Variants in PCSK5 observed in about 807,000 individuals in gnomAD.
PCSK5 encodes the protein proprotein convertase subtilisin/kexin type 5.
A neutral mutation model predicts 233.2 loss-of-function variants in PCSK5; 129 were observed. The ratio of observed to expected loss-of-function variants is 0.55; its 90% CI spans 0.48 to 0.64. PCSK5 has a LOEUF of 0.64. Ranked by LOEUF, PCSK5 falls within the 30% of genes least tolerant of loss-of-function variation. The probability of loss-of-function intolerance (pLI) is 0.00; values close to 1 mark genes in which losing one functional copy is unlikely to be tolerated. For missense variants in PCSK5, 2,076 were observed against 2,430.1 expected (o/e 0.85, Z 3.06); for synonymous variants, 825 against 879.2 (o/e 0.94, Z 1.09).
chr9:75,971,576 G>A (rs902673624), intron 2 of PCSK5, among the ~76,000 whole-genome samples: 3 of 152,022 alleles, frequency 2.0e-5, no homozygotes, highest in African/African-American at 4.8e-5. Context: ...CCTGTTTCTC[G>A]ACAGTCTCAC....
At chr9:76,298,787 CAG>C (rs1173361965) in intron 27 of PCSK5, among the ~76,000 whole-genome samples, 1 of 152,186 alleles carries the variant, frequency 6.6e-6, no homozygotes, top group Non-Finnish European at 1.5e-5. Flanking sequence ...AGGCAAATTA[CAG>C]AGTGTTTTTG....
intron 20 of PCSK5, among the ~76,000 whole-genome samples, chr9:76,210,991 G>C (rs973771789): frequency 6.6e-6 from 1 of 152,156 alleles, no homozygotes; most frequent in African/African-American, 2.4e-5. Flanking sequence ...AAGCACAGGA[G>C]GGGTATCAGT....
intron 7 of PCSK5, among the ~76,000 whole-genome samples, chr9:76,085,902 C>T (rs1831044894): frequency 6.6e-6 from 1 of 152,204 alleles, no homozygotes; most frequent in Non-Finnish European, 1.5e-5. Flanking sequence ...GAATATCCCT[C>T]TATCCTCCTT....
At chr9:76,000,309 G>A (rs1359944537) in intron 3 of PCSK5, among the ~76,000 whole-genome samples, 1 of 152,138 alleles carries the variant, frequency 6.6e-6, no homozygotes, top group African/African-American at 2.4e-5. Context: ...AGAGCAAAAG[G>A]CTCAAATTCA....
At position 76,237,110 on chromosome 9, in the gene PCSK5, T is replaced by C. The variant is rs952852178; in HGVS notation, c.2867-1849T>C. Reference sequence around the variant, plus strand: ...AAAAGATTTTTTTCTGAATGAGTCATGGTGGATGGAAGTGGCATTTGCAAC... The same window carrying C: ...AAAAGATTTTTTTCTGAATGAGTCACGGTGGATGGAAGTGGCATTTGCAAC... On this transcript the variant is annotated intron_variant, in intron 22 of 37. Transcript: ENST00000674117. Among the ~76,000 whole-genome samples, 3 of 152,274 alleles carry C rather than the reference T, an allele frequency of 2.0e-5. No homozygotes were observed. In the South Asian group the frequency reaches 6.2e-4, roughly 32 times the overall value.
In PCSK5 at chr9:76,300,016, A is replaced by G. The variant is rs537203532; in HGVS notation, c.3524-2121A>G. On this transcript the variant is annotated intron_variant, in intron 27 of 37. Coordinates refer to ENST00000674117, the MANE Select transcript of PCSK5 (RefSeq NM_001372043.1). ...GGTTCTAATTACATATTCTGCTGATAGTCTAATCTACAGAACACAGACATG... is the reference window on the plus strand; with the variant it reads ...GGTTCTAATTACATATTCTGCTGATGGTCTAATCTACAGAACACAGACATG... 3.2e-4 allele frequency among the ~76,000 whole-genome samples: 48 copies of G among 152,376 alleles called. No individual in the cohort carries two copies. The South Asian group carries it at 9.7e-3, about 31-fold the overall frequency.
intron 2 of PCSK5, among the ~76,000 whole-genome samples, chr9:75,937,277 C>T (rs1351805070): frequency 6.6e-6 from 1 of 151,362 alleles, no homozygotes; most frequent in African/African-American, 2.4e-5. Context: ...TTCCCGGGTT[C>T]AAGTGATTCT....
chr9:76,329,592 T>G (rs965526724), intron 33 of PCSK5, among the ~76,000 whole-genome samples: 3 of 152,018 alleles, frequency 2.0e-5, no homozygotes, highest in African/African-American at 7.2e-5. Context: ...CCCAGCACTT[T>G]GGGAGGCTGA....
At chr9:76,187,468 C>A (rs1025103173) in intron 17 of PCSK5, among the ~76,000 whole-genome samples, 1 of 151,974 alleles carries the variant, frequency 6.6e-6, no homozygotes, top group African/African-American at 2.4e-5. Context: ...CTCAAGCAAT[C>A]CTCTGGCCTC....
Position 76,240,672 on chromosome 9 carries a change from G to A in PCSK5, c.3130G>A (p.Gly1044Arg), listed in dbSNP as rs1826403751. ...ECVPCEEGCLGCSLDDPGTCT... is the reference protein window; with the variant it reads ...ECVPCEEGCLRCSLDDPGTCT... Reference sequence around the variant, plus strand: ...TGTCCCTTGTGAAGAAGGATGTCTGGGATGCAGCTTGGGTATGTCCTCTTC... The same window carrying A: ...TGTCCCTTGTGAAGAAGGATGTCTGAGATGCAGCTTGGGTATGTCCTCTTC... Residue 1044 changes from glycine to arginine, a missense_variant, in exon 24 of 38, where the codon GGA (glycine) becomes AGA (arginine). Around this residue, in one of 6 missense-constraint regions of PCSK5, gnomAD observed 1,510 missense variants for 1,538.1 expected, o/e 0.98. Transcript: ENST00000674117. 1 of 1,581,090 alleles carries A rather than the reference G, an allele frequency of 6.3e-7. No homozygotes were observed. Among genetic ancestry groups the A allele is most frequent in the Non-Finnish European group, 8.6e-7 (1 of 1,161,768 alleles).
chr9:76,005,470 T>G (rs1428772452), intron 3 of PCSK5, among the ~76,000 whole-genome samples: 1 of 152,220 alleles, frequency 6.6e-6, no homozygotes, highest in Non-Finnish European at 1.5e-5. Flanking sequence ...ACGTTTTGCT[T>G]TTATCACTTA....
chr9:76,324,188 A>T (rs1203450180), intron 32 of PCSK5, among the ~76,000 whole-genome samples: 2 of 151,370 alleles, frequency 1.3e-5, no homozygotes, highest in Non-Finnish European at 2.9e-5. Flanking sequence ...GCCCTTCCAA[A>T]GTGCTGGGAT....
At chr9:76,086,735 G>A (rs149769471) in intron 7 of PCSK5, among the ~76,000 whole-genome samples, 220 of 152,284 alleles carry the variant, frequency 1.4e-3, no homozygotes, top group African/African-American at 4.9e-3. Flanking sequence ...CACTGGATGA[G>A]GCAAGACTGG....
intron 8 of PCSK5, 57 bp from the exon 9 acceptor site, chr9:76,107,194 A>G: frequency 2.0e-6 from 2 of 1,007,538 alleles, no homozygotes. Context: ...ATTTCTTTCT[A>G]CTTGCAGGTG....
At chr9:76,277,909 A>G (rs1365348737) in intron 24 of PCSK5, among the ~76,000 whole-genome samples, 2 of 152,206 alleles carry the variant, frequency 1.3e-5, no homozygotes, top group Admixed American at 1.3e-4. Flanking sequence ...GTGGACTGAA[A>G]AATGTCAGTG....
In PCSK5 at chr9:76,041,481, A is replaced by T. The variant is rs528957197; in HGVS notation, c.632+14444A>T. ...GAGCTTCTCCTTTATCTAAAACTTA[A>T]ATCTGAATGTGTTTTGCCTCTGTCT... is the stretch of plus-strand genomic sequence containing the variant. On this transcript the variant is annotated intron_variant, in intron 5 of 37. Coordinates refer to ENST00000674117, the MANE Select transcript of PCSK5 (RefSeq NM_001372043.1). Among the ~76,000 whole-genome samples the T allele has an allele frequency of 5.9e-5, 9 of 152,236 alleles. No homozygotes were observed. In the South Asian group the frequency reaches 1.9e-3, roughly 32 times the overall value.
chr9:76,274,172 A>G (rs950572324), intron 24 of PCSK5, among the ~76,000 whole-genome samples: 1 of 151,432 alleles, frequency 6.6e-6, no homozygotes, highest in Admixed American at 6.6e-5. Flanking sequence ...CTTTATATCT[A>G]TCTTTGAGTT....
At chr9:76,347,124 C>G (rs1830001732) in intron 35 of PCSK5, among the ~76,000 whole-genome samples, 1 of 146,682 alleles carries the variant, frequency 6.8e-6, no homozygotes, top group African/African-American at 2.5e-5. Flanking sequence ...TGTTTCTTCT[C>G]CTCATAAAAT....
chr9:76,067,931 A>G, intron 5 of PCSK5, 24 bp from the exon 6 acceptor site: 1 of 1,597,322 alleles, frequency 6.3e-7, no homozygotes, highest in Non-Finnish European at 8.6e-7. Context: ...CTTACTTGAG[A>G]AAGTGTGTGT....
Sources: allele counts gnomAD v4.1 joint callset (sites outside exome capture counted in the v4.1 genomes callset), GRCh38; gene constraint gnomAD v4.1.1; regional missense constraint gnomAD v4.1.1; transcripts MANE v1.5; gene names NCBI Gene and HGNC (gene_info 2026-07-23, HGNC 2026-07-21).